Variants in CREB1 observed in about 807,000 individuals in gnomAD.
The protein encoded by CREB1 is cyclic AMP-responsive element-binding protein 1.
CREB1 carries 2 observed loss-of-function variants against 42.0 expected under a neutral mutation model. The ratio of observed to expected loss-of-function variants is 0.05; its 90% CI spans 0.02 to 0.15. The LOEUF is 0.15. CREB1 is among the 10% of genes least tolerant of loss of function. The probability of loss-of-function intolerance (pLI) is 1.00; values close to 1 mark genes in which losing one functional copy is unlikely to be tolerated. For synonymous variants in CREB1, 123 were observed against 139.9 expected (o/e 0.88, Z 0.85); for missense variants, 199 against 388.9 (o/e 0.51, Z 4.11).
chr2:207,553,130 A>AC (rs1316603560), intron 1 of CREB1, among the ~76,000 whole-genome samples: 3 of 131,544 alleles, frequency 2.3e-5, no homozygotes, highest in Non-Finnish European at 3.1e-5. Context: ...GTGCAGTGGC[A>AC]CCATGTTGGC....
At chr2:207,572,498 A>G (rs180692229) in intron 5 of CREB1, among the ~76,000 whole-genome samples, 123 of 152,308 alleles carry the variant, frequency 8.1e-4, no homozygotes, top group Middle Eastern at 3.4e-3. Flanking sequence ...TAATAGCTGC[A>G]TTGTGTTTCA....
chr2:207,550,846 A>G (rs2081476460), intron 1 of CREB1, among the ~76,000 whole-genome samples: 2 of 152,112 alleles, frequency 1.3e-5, no homozygotes, highest in Non-Finnish European at 2.9e-5. Context: ...GAGAACCTCC[A>G]ACCTTCTTCC....
intron 1 of CREB1, among the ~76,000 whole-genome samples, chr2:207,532,113 G>C (rs181004904): frequency 6.6e-6 from 1 of 151,636 alleles, no homozygotes; most frequent in South Asian, 2.1e-4. Flanking sequence ...CCCAGCACTT[G>C]GGGGGTCGAG....
At position 207,575,946 on chromosome 2, in the gene CREB1, C is replaced by T. The variant is rs1403615448; in HGVS notation, c.688+492C>T. 1.6e-4 allele frequency among the ~76,000 whole-genome samples: 11 copies of T among 68,218 alleles called. 1 individual carries two copies. Among genetic ancestry groups the T allele is most frequent in the Non-Finnish European group, 2.7e-4 (7 of 25,510 alleles). 44.8% of individuals were successfully genotyped at this position (68,218 alleles called of 152,430 possible). A position where few individuals can be genotyped will look rare whatever the true frequency, so the allele number is the denominator to read the frequency against. On this transcript the variant is annotated intron_variant, in intron 6 of 7. Transcript: ENST00000353267. ...CTGTTTCTCTGCTTCCCCCCCCCCC[C>T]CCAAAAGAAATTTAAATCTTCTGAG...
rs558849871 is a variant in CREB1 at position 207,585,127 on chromosome 2, G to A, written c.839+7472G>A. ...TGTCTGGAATCATGAAGGCCAGCTC[G>A]CTCTCACTATCACATTGGCCACCCA... On this transcript the variant is annotated intron_variant, in intron 7 of 7. Transcript: ENST00000353267. 2.2e-3 allele frequency among the ~76,000 whole-genome samples: 337 copies of A among 152,190 alleles called. 1 individual carries two copies. The highest frequency in any genetic ancestry group is 3.4e-3 in the Non-Finnish European group (234 of 68,018).
At chr2:207,590,416 T>A (rs745380277) in intron 7 of CREB1, among the ~76,000 whole-genome samples, 55 of 152,058 alleles carry the variant, frequency 3.6e-4, no homozygotes, top group Non-Finnish European at 4.3e-4. Context: ...CAACCAAAAT[T>A]CTTAGTTTCA....
At position 207,535,007 on chromosome 2, in the gene CREB1, A is replaced by G. The variant is rs905436981; in HGVS notation, c.-9+4873A>G. On this transcript the variant is annotated intron_variant, in intron 1 of 7. Transcript: ENST00000353267. ...GAGCTTCTTCATTTTTTAACATACAATTGGAAGCATTTTATTATGTAAGTA... is the reference window on the plus strand; with the variant it reads ...GAGCTTCTTCATTTTTTAACATACAGTTGGAAGCATTTTATTATGTAAGTA... Among the ~76,000 whole-genome samples, 7 of 152,316 alleles carry G rather than the reference A, an allele frequency of 4.6e-5. No homozygotes were observed. The South Asian group carries it at 6.2e-4, about 14-fold the overall frequency.
chr2:207,556,433 C>G (rs1186090639), intron 2 of CREB1, among the ~76,000 whole-genome samples: 2 of 152,178 alleles, frequency 1.3e-5, no homozygotes, highest in Non-Finnish European at 2.9e-5. Flanking sequence ...GTGATACCGT[C>G]TCTTTCAGAT....
At chr2:207,549,027 A>G (rs1050547730) in intron 1 of CREB1, among the ~76,000 whole-genome samples, 53 of 152,354 alleles carry the variant, frequency 3.5e-4, no homozygotes, top group African/African-American at 1.3e-3. Context: ...AAAAGCAGAA[A>G]GACCTTGGTA....
At chr2:207,586,929 G>A (rs899760298) in intron 7 of CREB1, among the ~76,000 whole-genome samples, 2 of 152,136 alleles carry the variant, frequency 1.3e-5, no homozygotes, top group African/African-American at 4.8e-5. Context: ...TCCTCTTTGT[G>A]TTAGGAAGTA....
intron 1 of CREB1, among the ~76,000 whole-genome samples, chr2:207,537,934 T>C (rs1235844287): frequency 6.6e-6 from 1 of 152,216 alleles, no homozygotes; most frequent in Non-Finnish European, 1.5e-5. Context: ...TATTTGCATA[T>C]ACATACATAA....
chr2:207,539,675 G>A (rs2081018035), intron 1 of CREB1, among the ~76,000 whole-genome samples: 1 of 152,144 alleles, frequency 6.6e-6, no homozygotes, highest in Non-Finnish European at 1.5e-5. Flanking sequence ...ATTTATATGT[G>A]CCAGAGTACA....
intron 5 of CREB1, among the ~76,000 whole-genome samples, chr2:207,571,526 C>A (rs1310458422): frequency 1.3e-5 from 2 of 152,150 alleles, no homozygotes; most frequent in African/African-American, 4.8e-5. Flanking sequence ...GCATTTTTGA[C>A]TAAGGTTTTT....
chr2:207,591,203 A>C (rs2084967910), intron 7 of CREB1, among the ~76,000 whole-genome samples: 1 of 152,050 alleles, frequency 6.6e-6, no homozygotes, highest in South Asian at 2.1e-4. Flanking sequence ...GTCTATCATC[A>C]CTGACAGGAG....
chr2:207,586,988 T>C (rs910843714), intron 7 of CREB1, among the ~76,000 whole-genome samples: 1 of 152,176 alleles, frequency 6.6e-6, no homozygotes, highest in Non-Finnish European at 1.5e-5. Context: ...TAAACACTGA[T>C]GATGCAGAGA....
chr2:207,587,844 T>C (rs1385498431), intron 7 of CREB1, among the ~76,000 whole-genome samples: 1 of 152,140 alleles, frequency 6.6e-6, no homozygotes, highest in Non-Finnish European at 1.5e-5. Context: ...GACACAAACT[T>C]ACATCTAGGT....
intron 1 of CREB1, among the ~76,000 whole-genome samples, chr2:207,537,615 T>G (rs1213033867): frequency 6.6e-6 from 1 of 152,254 alleles, no homozygotes; most frequent in Non-Finnish European, 1.5e-5. Context: ...GTCAGCTTGT[T>G]GAAGTTGTAA....
At position 207,604,290 on chromosome 2, in the gene CREB1, CAT is replaced by C. The variant is rs533562636; in HGVS notation, c.*7235_*7236del. 1.0e-3 allele frequency among the ~76,000 whole-genome samples: 154 copies of C among 152,320 alleles called. No homozygotes were observed. The highest frequency in any genetic ancestry group is 1.3e-3 in the Non-Finnish European group (91 of 68,036). ...TAGTGTTTCGCCACTGAAGACTTAACATATGTCTTTTACACTCAGGTTGCAAA... is the reference window on the plus strand; with the variant it reads ...TAGTGTTTCGCCACTGAAGACTTAACATGTCTTTTACACTCAGGTTGCAAA... On this transcript the variant is annotated 3_prime_UTR_variant, in exon 8 of 8. Coordinates refer to ENST00000353267, the MANE Select transcript of CREB1 (RefSeq NM_004379.5).
chr2:207,593,318 G>T (rs577734795), intron 7 of CREB1, among the ~76,000 whole-genome samples: 1 of 152,146 alleles, frequency 6.6e-6, no homozygotes, highest in Non-Finnish European at 1.5e-5. Context: ...TTGAGCCCAG[G>T]AATTCAAGAC....
Sources: gnomAD v4.1 joint callset for allele counts (sites outside exome capture counted in the v4.1 genomes callset) on GRCh38, gnomAD v4.1.1 for gene constraint, MANE v1.5 for transcripts, NCBI Gene and HGNC (gene_info 2026-07-23, HGNC 2026-07-21) for gene names.